CYB5RL: variants seen among roughly 807,000 people sequenced by gnomAD.
CYB5RL encodes the protein cytochrome b5 reductase like, also known as NADH-cytochrome b5 reductase-like.
In CYB5RL, 38 loss-of-function variants were observed where a neutral mutation model predicts 37.5. That is an observed-to-expected ratio of 1.01 (90% confidence interval 0.78 to 1.33). CYB5RL has a LOEUF of 1.33. Ranked by LOEUF, CYB5RL falls within the 40% of genes most tolerant of loss-of-function variation. The probability of loss-of-function intolerance (pLI) is 0.00; values close to 1 mark genes in which losing one functional copy is unlikely to be tolerated. For synonymous variants in CYB5RL, 141 were observed against 151.9 expected (o/e 0.93, Z 0.53); for missense variants, 388 against 394.4 (o/e 0.98, Z 0.14).
rs758947711 is a variant in CYB5RL, at chr1:54,190,930, G to A, written c.199-34C>T. The A allele has an allele frequency of 5.4e-5, 87 of 1,600,538 alleles. 2 individuals are homozygous for A. The highest frequency in any genetic ancestry group is 5.4e-4 in the South Asian group (48 of 88,722). ...GGAAGAGATCCAACAGCTAGAGGCCGGGGCTCCACAGACACACAGGCATCC... is the reference window on the plus strand; with the variant it reads ...GGAAGAGATCCAACAGCTAGAGGCCAGGGCTCCACAGACACACAGGCATCC... On this transcript the variant is annotated intron_variant, in intron 3 of 7. Transcript: ENST00000534324.
chr1:54,182,877 C>T (rs1336915164), intron 6 of CYB5RL, among the ~76,000 whole-genome samples: 2 of 152,178 alleles, frequency 1.3e-5, no homozygotes, highest in Admixed American at 1.3e-4. Context: ...AAAAATTAAA[C>T]AAAAAGAATG....
chr1:54,171,549 C>T lies in CYB5RL; in HGVS notation c.*3070G>A. The stretch of plus-strand genomic sequence containing the variant: ...CAATGCCGCTTCTGCGACCAAGAAT[C>T]TGTCCTCAGGCCCTCTAGTAGCTGT... On this transcript the variant is annotated 3_prime_UTR_variant, in exon 8 of 8. Transcript: ENST00000534324. The T allele has an allele frequency of 2.4e-6, 1 of 411,078 alleles. No homozygotes were observed. The highest frequency in any genetic ancestry group is 7.2e-5 in the East Asian group (1 of 13,954). The allele number at this position is 411,078 out of a possible 1,614,324, so 25.5% of individuals were successfully genotyped here. A position where few individuals can be genotyped will look rare whatever the true frequency, so the allele number is the denominator to read the frequency against.
In CYB5RL at chr1:54,172,799, A is replaced by G. The variant is rs977888909; in HGVS notation, c.*1820T>C. ...TAGGATGTGCAAACTGAGGGAGAGGAAAGGGTGGAGGAAAACTCGCAGACC... is the reference window on the plus strand; with the variant it reads ...TAGGATGTGCAAACTGAGGGAGAGGGAAGGGTGGAGGAAAACTCGCAGACC... On this transcript the variant is annotated 3_prime_UTR_variant, in exon 8 of 8. Transcript: ENST00000534324. The G allele has an allele frequency of 1.3e-5, 2 of 152,196 alleles. No individual in the cohort carries two copies. Among genetic ancestry groups the G allele is most frequent in the African/African-American group, 4.8e-5 (2 of 41,422 alleles). 9.4% of individuals were successfully genotyped at this position (152,196 alleles called of 1,614,324 possible).
intron 1 of CYB5RL, among the ~76,000 whole-genome samples, chr1:54,197,317 C>CTTTTTTTT (rs766084507): frequency 2.1e-4 from 26 of 124,038 alleles, no homozygotes; most frequent in South Asian, 8.0e-4. Context: ...CTTTTCTTTT[C>CTTTTTTTT]TTTTTTTTTT....
In CYB5RL at chr1:54,173,855, T is replaced by C. The variant is rs1219872637; in HGVS notation, c.*764A>G. ...AGAGGGACCCAGGTCTCCTGACTCC[T>C]GCTCTATCTTTAGATCTCCATAGCA... On this transcript the variant is annotated 3_prime_UTR_variant, in exon 8 of 8. Transcript: ENST00000534324. The C allele has an allele frequency of 6.6e-6, 1 of 152,594 alleles. No homozygotes were observed. The highest frequency in any genetic ancestry group is 1.5e-5 in the Non-Finnish European group (1 of 68,082). The allele number at this position is 152,594 out of a possible 1,614,324, so 9.5% of individuals were successfully genotyped here.
At chr1:54,189,969 C>T (rs1048634636) in intron 4 of CYB5RL, among the ~76,000 whole-genome samples, 6 of 152,178 alleles carry the variant, frequency 3.9e-5, no homozygotes, top group African/African-American at 1.4e-4. Context: ...TGGTCCTGTG[C>T]GCCTTTCTCT....
intron 3 of CYB5RL, among the ~76,000 whole-genome samples, chr1:54,194,426 A>T (rs889298692): frequency 3.3e-5 from 5 of 152,140 alleles, no homozygotes; most frequent in Middle Eastern, 3.2e-3. Flanking sequence ...TTTGTTCAGG[A>T]TGTATGATCT....
chr1:54,178,315 C>T (rs1660072274), intron 7 of CYB5RL, among the ~76,000 whole-genome samples: 1 of 152,158 alleles, frequency 6.6e-6, no homozygotes, highest in Admixed American at 6.5e-5. Context: ...CCCACAGCAC[C>T]GGGCAAGAAG....
At chr1:54,190,723 T>C in intron 4 of CYB5RL, 25 bp downstream of exon 4, 1 of 1,551,634 alleles carries the variant, frequency 6.4e-7, no homozygotes, top group Non-Finnish European at 8.7e-7. Context: ...TGTGAAGCTT[T>C]GGTCCTCCCG....
In CYB5RL at chr1:54,173,612, TA is replaced by T. The variant is rs1659944922; in HGVS notation, c.*1006del. 6.6e-6 allele frequency: 1 copy of T among 152,332 alleles called. No homozygotes were observed. Among genetic ancestry groups the T allele is most frequent in the South Asian group, 2.1e-4 (1 of 4,832 alleles). 9.4% of individuals were successfully genotyped at this position (152,332 alleles called of 1,614,324 possible). On this transcript the variant is annotated 3_prime_UTR_variant, in exon 8 of 8. Coordinates refer to ENST00000534324, the MANE Select transcript of CYB5RL (RefSeq NM_001031672.4). ...GGTGAAGAGTACATTTCTATGACTA[TA>T]AAAGTCTAACTCTAAGATTCCATGG...
chr1:54,183,298 A>C (rs1316376454), intron 6 of CYB5RL, among the ~76,000 whole-genome samples: 1 of 152,254 alleles, frequency 6.6e-6, no homozygotes, highest in African/African-American at 2.4e-5. Flanking sequence ...TGCAATGAAC[A>C]TACGCAGAAG....
chr1:54,195,341 T>C, intron 3 of CYB5RL, 78 bp downstream of exon 3: 1 of 1,431,336 alleles, frequency 7.0e-7, no homozygotes, highest in Non-Finnish European at 9.2e-7. Context: ...AGGGAAGGCT[T>C]CCTAGAGGTG....
rs1643911697 is a variant in CYB5RL at position 54,187,534 on chromosome 1, C to A, written c.435+118G>T. ...GACAAAGGACTTACTTCCCCAATTG[C>A]CTTTGTCCATGTTGTTCCCAGCACT... On this transcript the variant is annotated intron_variant, in intron 5 of 7. Coordinates refer to ENST00000534324, the MANE Select transcript of CYB5RL (RefSeq NM_001031672.4). 36 of 936,764 alleles carry A rather than the reference C, an allele frequency of 3.8e-5. 1 individual carries two copies. The South Asian group carries it at 5.5e-4, about 14-fold the overall frequency. 58.0% of individuals were successfully genotyped at this position (936,764 alleles called of 1,614,324 possible).
chr1:54,190,468 C>A, intron 4 of CYB5RL: 1 of 589,684 alleles, frequency 1.7e-6, no homozygotes, highest in Non-Finnish European at 3.0e-6. Flanking sequence ...ACTGCACCTA[C>A]CACACAGGAT....
intron 6 of CYB5RL, chr1:54,179,965 G>C (rs551272784): frequency 5.9e-5 from 27 of 453,840 alleles, no homozygotes; most frequent in South Asian, 4.2e-4. Context: ...TGAGTTCCCG[G>C]CCAGGAGTGG....
intron 3 of CYB5RL, among the ~76,000 whole-genome samples, chr1:54,194,790 CA>C (rs1643991259): frequency 1.3e-5 from 2 of 152,184 alleles, no homozygotes; most frequent in African/African-American, 4.8e-5. Flanking sequence ...GGGACAGATT[CA>C]AAACAAAACC....
rs1219622583 is a variant in CYB5RL, at chr1:54,172,762, G to A, written c.*1857C>T. 4 of 152,256 alleles carry A rather than the reference G, an allele frequency of 2.6e-5. No individual in the cohort carries two copies. The highest frequency in any genetic ancestry group is 4.8e-5 in the African/African-American group (2 of 41,448). 9.4% of individuals were successfully genotyped at this position (152,256 alleles called of 1,614,324 possible). On this transcript the variant is annotated 3_prime_UTR_variant, in exon 8 of 8. Transcript: ENST00000534324. Reference sequence around the variant, plus strand: ...GCTCCTGACAGGCCCCCGCTATTTGGAGCTGAGTCAATAGGATGTGCAAAC... The same window carrying A: ...GCTCCTGACAGGCCCCCGCTATTTGAAGCTGAGTCAATAGGATGTGCAAAC...
At position 54,200,000 on chromosome 1, in the gene CYB5RL, G is replaced by C. The variant is rs1223731925; in HGVS notation, c.-247C>G. ...CCTACTCGCCTGCGCTTCACCTCACGTGAGGATTTTCCAGGTTCCTCCCAG... is the reference window on the plus strand; with the variant it reads ...CCTACTCGCCTGCGCTTCACCTCACCTGAGGATTTTCCAGGTTCCTCCCAG... On this transcript the variant is annotated 5_prime_UTR_variant, in exon 1 of 8. Transcript: ENST00000534324. 2 of 534,984 alleles carry C rather than the reference G, an allele frequency of 3.7e-6. No individual in the cohort carries two copies. Among genetic ancestry groups the C allele is most frequent in the Non-Finnish European group, 6.6e-6 (2 of 304,868 alleles). 33.1% of individuals were successfully genotyped at this position (534,984 alleles called of 1,614,324 possible).
At chr1:54,177,035 T>C (rs1441511723) in intron 7 of CYB5RL, among the ~76,000 whole-genome samples, 1 of 152,030 alleles carries the variant, frequency 6.6e-6, no homozygotes, top group African/African-American at 2.4e-5. Flanking sequence ...GGCAGACCCA[T>C]GACATCAGGC....
Sources: gnomAD v4.1 joint callset for allele counts (sites outside exome capture counted in the v4.1 genomes callset) on GRCh38, gnomAD v4.1.1 for gene constraint, MANE v1.5 for transcripts, NCBI Gene and HGNC (gene_info 2026-07-23, HGNC 2026-07-21) for gene names.